Variants in TMEM229B observed in about 807,000 individuals in gnomAD.
TMEM229B encodes transmembrane protein 229B, also known as chromosome 14 open reading frame 83.
A neutral mutation model predicts 13.7 loss-of-function variants in TMEM229B; 6 were observed. The observed-to-expected ratio is 0.44, with a 90% CI of 0.24 to 0.86. The LOEUF is 0.86. Ranked by LOEUF, TMEM229B falls within the 40% of genes least tolerant of loss-of-function variation. The probability of loss-of-function intolerance (pLI) is 0.23; values close to 1 mark genes in which losing one functional copy is unlikely to be tolerated. For missense variants in TMEM229B, 170 were observed against 236.0 expected (o/e 0.72, Z 1.83); for synonymous variants, 107 against 102.1 (o/e 1.05, Z -0.29).
exon 1 of TMEM229B, chr14:67,515,366 C>CG (rs1289773946): frequency 5.7e-6 from 1 of 174,048 alleles, no homozygotes; most frequent in Non-Finnish European, 1.2e-5. Flanking sequence ...GCGCGGGGTC[C>CG]GGGGGGCTGC....
chr14:67,490,004 A>ATT (rs1345438256), upstream of TMEM229B, among the ~76,000 whole-genome samples: 293 of 151,770 alleles, frequency 1.9e-3, no homozygotes, highest in Non-Finnish European at 3.2e-3. Context: ...AAAAAAAAAA[A>ATT]ATTCTGTCTA....
At chr14:67,519,849 T>C (rs969288079), upstream of TMEM229B, among the ~76,000 whole-genome samples, 2 of 151,906 alleles carry the variant, frequency 1.3e-5, no homozygotes, top group Admixed American at 1.3e-4. Flanking sequence ...CAGCCTCCCA[T>C]GTAGCTGGGA....
chr14:67,502,348 G>GA (rs200778251), intron 1 of TMEM229B, among the ~76,000 whole-genome samples: 2,465 of 138,328 alleles, frequency 0.018, 50 homozygotes, highest in African/African-American at 0.06. Context: ...AGAAAAGAAA[G>GA]AAAAAAAAAG....
chr14:67,478,855 C>T (rs1005408046), intron 2 of TMEM229B, among the ~76,000 whole-genome samples: 3 of 152,216 alleles, frequency 2.0e-5, no homozygotes, highest in Non-Finnish European at 4.4e-5. Context: ...CTGGATTCAT[C>T]TGAACGCCAG....
chr14:67,508,003 G>T (rs2032888998), intron 1 of TMEM229B, among the ~76,000 whole-genome samples: 1 of 151,962 alleles, frequency 6.6e-6, no homozygotes, highest in African/African-American at 2.4e-5. Context: ...CCGGACGTGG[G>T]GGCGCATGCC....
At chr14:67,519,821 C>T (rs770816542), upstream of TMEM229B, among the ~76,000 whole-genome samples, 1 of 151,778 alleles carries the variant, frequency 6.6e-6, no homozygotes, top group Non-Finnish European at 1.5e-5. Flanking sequence ...CTCCTAGGCT[C>T]AAGCGATTCT....
intron 1 of TMEM229B, among the ~76,000 whole-genome samples, chr14:67,511,901 C>T (rs2033039034): frequency 6.6e-6 from 1 of 152,218 alleles, no homozygotes; most frequent in Non-Finnish European, 1.5e-5. Flanking sequence ...TGATGGTTGA[C>T]TTAGCCTCAG....
chr14:67,524,717 C>T (rs142255189), intron 1 of TMEM229B, among the ~76,000 whole-genome samples: 76 of 152,314 alleles, frequency 5.0e-4, no homozygotes, highest in African/African-American at 1.8e-3. Flanking sequence ...AACCGCCAAA[C>T]CACAAGAACA....
At chr14:67,506,610 G>T (rs559642406) in intron 1 of TMEM229B, among the ~76,000 whole-genome samples, 1 of 152,306 alleles carries the variant, frequency 6.6e-6, no homozygotes, top group African/African-American at 2.4e-5. Flanking sequence ...GGTGGGTTCA[G>T]TGGGAACTCA....
At chr14:67,500,110 GCTAT>G (rs1254422896) in intron 1 of TMEM229B, among the ~76,000 whole-genome samples, 2 of 152,112 alleles carry the variant, frequency 1.3e-5, no homozygotes, top group Non-Finnish European at 2.9e-5. Context: ...GATACCTTGA[GCTAT>G]GATCACACCA....
upstream of TMEM229B, among the ~76,000 whole-genome samples, chr14:67,493,613 T>A (rs564381613): frequency 5.3e-5 from 8 of 152,308 alleles, no homozygotes; most frequent in East Asian, 3.9e-4. Context: ...GTCAGTGTGC[T>A]TTGGATGCTG....
chr14:67,478,288 C>T (rs1055190252), intron 2 of TMEM229B, among the ~76,000 whole-genome samples: 1 of 152,218 alleles, frequency 6.6e-6, no homozygotes, highest in Non-Finnish European at 1.5e-5. Context: ...AAGCCATGCC[C>T]ACCATCATCC....
At chr14:67,485,791 T>C (rs1258195364) in intron 2 of TMEM229B, among the ~76,000 whole-genome samples, 1 of 152,226 alleles carries the variant, frequency 6.6e-6, no homozygotes, top group East Asian at 1.9e-4. Context: ...GCTGTGCAGT[T>C]AGGAGCCTCT....
chr14:67,518,991 C>T (rs1307175957), upstream of TMEM229B, among the ~76,000 whole-genome samples: 1 of 152,072 alleles, frequency 6.6e-6, no homozygotes, highest in Non-Finnish European at 1.5e-5. Flanking sequence ...GAAGTTGAAG[C>T]CAATCTTGAA....
At chr14:67,486,959 C>G (rs1397643364) in intron 2 of TMEM229B, 41 bp downstream of exon 2, 1 of 152,332 alleles carries the variant, frequency 6.6e-6, no homozygotes, top group South Asian at 2.1e-4. Flanking sequence ...CAGGCAGGAT[C>G]GCTGGGCTGG....
At chr14:67,508,276 T>C (rs1594712373) in intron 1 of TMEM229B, among the ~76,000 whole-genome samples, 2 of 152,252 alleles carry the variant, frequency 1.3e-5, no homozygotes, top group East Asian at 3.9e-4. Flanking sequence ...CTCTGACTTC[T>C]GACAGTTCCA....
upstream of TMEM229B, among the ~76,000 whole-genome samples, chr14:67,489,318 C>T (rs888859195): frequency 6.6e-6 from 1 of 152,218 alleles, no homozygotes; most frequent in African/African-American, 2.4e-5. Context: ...AATGTGCCTT[C>T]GAACTGCTTC....
chr14:67,498,979 T>TTTTATTTA (rs10523208), intron 1 of TMEM229B, among the ~76,000 whole-genome samples: 15,555 of 146,516 alleles, frequency 0.11, 922 homozygotes, highest in African/African-American at 0.14. Context: ...AAGGCAATGG[T>TTTTATTTA]TTTATTTATT....
intron 1 of TMEM229B, among the ~76,000 whole-genome samples, chr14:67,530,118 C>T (rs1204237991): frequency 6.6e-6 from 1 of 152,202 alleles, no homozygotes; most frequent in African/African-American, 2.4e-5. Context: ...TCTGCTTATC[C>T]ATTGCAATCT....
Sources: gnomAD v4.1 joint callset for allele counts (sites outside exome capture counted in the v4.1 genomes callset) on GRCh38, gnomAD v4.1.1 for gene constraint, MANE v1.5 for transcripts, NCBI Gene and HGNC (gene_info 2026-07-23, HGNC 2026-07-21) for gene names.